Variants in LHPP observed in about 807,000 individuals in gnomAD.
The protein encoded by LHPP is hLHPP.
Under a neutral mutation model 30.3 loss-of-function variants are expected in LHPP, and 24 were observed. The observed-to-expected ratio is 0.79, with a 90% CI of 0.57 to 1.11. The LOEUF (loss-of-function observed/expected upper bound fraction) is 1.11, where lower values mean the gene tolerates loss of function less well. Ranked by LOEUF, LHPP falls within the 50% of genes most tolerant of loss-of-function variation. LHPP has a pLI of 0.00. For synonymous variants in LHPP, 150 were observed against 157.1 expected (o/e 0.95, Z 0.34); for missense variants, 356 against 367.2 (o/e 0.97, Z 0.25).
chr10:124,584,807 T>C (rs1194608963), intron 6 of LHPP, among the ~76,000 whole-genome samples: 1 of 152,224 alleles, frequency 6.6e-6, no homozygotes, highest in East Asian at 1.9e-4. Context: ...ACAAGTATCA[T>C]TAATCCAAAA....
At position 124,596,925 on chromosome 10, in the gene LHPP, G is replaced by A. The variant is rs1464244047; in HGVS notation, c.717-16339G>A. On this transcript the variant is annotated intron_variant, in intron 6 of 6. Transcript: ENST00000368842. This position sits in a 1 kb window ranked among gnomAD's most constrained non-coding sequence, Gnocchi z 4.6. The stretch of plus-strand genomic sequence containing the variant: ...AGACTGACTTTTGAGTCGGTGGACC[G>A]GGTGACGGAGACCCACCCTCCGTGT... Among the ~76,000 whole-genome samples, 3 of 152,208 alleles carry A rather than the reference G, an allele frequency of 2.0e-5. No individual in the cohort carries two copies. Among genetic ancestry groups the A allele is most frequent in the Non-Finnish European group, 4.4e-5 (3 of 68,036 alleles).
intron 6 of LHPP, among the ~76,000 whole-genome samples, chr10:124,521,205 T>C (rs1216779874): frequency 1.3e-5 from 2 of 152,182 alleles, no homozygotes; most frequent in African/African-American, 4.8e-5. Flanking sequence ...GTGCTCCCTA[T>C]GGATGTGTGG....
chr10:124,506,489 C>A (rs902251119), intron 5 of LHPP, among the ~76,000 whole-genome samples: 1 of 151,572 alleles, frequency 6.6e-6, no homozygotes, highest in Admixed American at 6.6e-5. Flanking sequence ...ATTAAGAGAA[C>A]GGTTACGGAG....
At chr10:124,582,532 CT>C (rs1480108006) in intron 6 of LHPP, among the ~76,000 whole-genome samples, 2 of 151,970 alleles carry the variant, frequency 1.3e-5, no homozygotes, top group Non-Finnish European at 2.9e-5. Context: ...AGGGTGCTTG[CT>C]GCCTATGCAG....
chr10:124,479,425 C>T (rs771833766), intron 1 of LHPP, among the ~76,000 whole-genome samples: 11 of 152,218 alleles, frequency 7.2e-5, no homozygotes, highest in Admixed American at 2.6e-4. Flanking sequence ...GCAGGCCCCA[C>T]GGAGGGATGA....
chr10:124,552,110 C>T (rs1260473884), intron 6 of LHPP, among the ~76,000 whole-genome samples: 1 of 152,072 alleles, frequency 6.6e-6, no homozygotes, highest in Non-Finnish European at 1.5e-5. Context: ...GGGCCTGGCA[C>T]TCCAGGCTGC....
At chr10:124,554,216 T>A in intron 6 of LHPP, 1 of 305,836 alleles carries the variant, frequency 3.3e-6, no homozygotes. Context: ...GACAGGGTCT[T>A]GCTCTGTCAC....
Position 124,590,418 on chromosome 10 carries a change from T to G in LHPP, c.717-22846T>G, listed in dbSNP as rs1456229416. On this transcript the variant is annotated intron_variant, in intron 6 of 6. Transcript: ENST00000368842. The surrounding 1 kb of genome is among the most constrained non-coding windows in gnomAD (Gnocchi z 4.3). ...AGCCAAGAAGACTTCTGACCCAGAA[T>G]TCTGAGTTGAGTTCCGACGCAGGCG... Among the ~76,000 whole-genome samples the G allele has an allele frequency of 6.6e-6, 1 of 152,130 alleles. No homozygotes were observed. The highest frequency in any genetic ancestry group is 1.5e-5 in the Non-Finnish European group (1 of 68,018).
At chr10:124,547,600 C>T (rs865903866) in intron 6 of LHPP, among the ~76,000 whole-genome samples, 11 of 152,242 alleles carry the variant, frequency 7.2e-5, no homozygotes, top group African/African-American at 1.4e-4. Context: ...CCTGGAAGCC[C>T]GAGGCCCCTG....
intron 6 of LHPP, among the ~76,000 whole-genome samples, chr10:124,562,036 G>A (rs957490150): frequency 2.0e-5 from 3 of 152,218 alleles, no homozygotes; most frequent in African/African-American, 7.2e-5. Context: ...GCCAGGTACG[G>A]TGGCTCATGC....
At position 124,479,467 on chromosome 10, in the gene LHPP, G is replaced by T. The variant is rs1010240407; in HGVS notation, c.126-4672G>T. 4.6e-5 allele frequency among the ~76,000 whole-genome samples: 7 copies of T among 152,354 alleles called. No homozygotes were observed. In the East Asian group the frequency reaches 9.6e-4, roughly 21 times the overall value. On this transcript the variant is annotated intron_variant, in intron 1 of 6. Coordinates refer to ENST00000368842, the MANE Select transcript of LHPP (RefSeq NM_022126.4). ...TTTGCTTCCTTAGCTGTCCTAGTCG[G>T]CCTGGGCTGCCATAACAAGTGCCAT...
chr10:124,487,598 G>A lies in LHPP; in HGVS notation c.314-824G>A, dbSNP rs111448887. ...GCTGAGATTACAGGCGGCCGCCACC[G>A]TGCCGGGCTGATTGTTGTATTTTTA... On this transcript the variant is annotated intron_variant, in intron 2 of 6. Transcript: ENST00000368842. 3.9e-5 allele frequency among the ~76,000 whole-genome samples: 6 copies of A among 152,016 alleles called. No individual in the cohort carries two copies. The South Asian group carries it at 6.3e-4, about 16-fold the overall frequency.
In LHPP at chr10:124,614,035, G is replaced by A. The variant is rs1949236993; in HGVS notation, c.*675G>A. 6.5e-6 allele frequency: 1 copy of A among 153,088 alleles called. No individual in the cohort carries two copies. Among genetic ancestry groups the A allele is most frequent in the Non-Finnish European group, 1.5e-5 (1 of 68,682 alleles). 9.5% of individuals were successfully genotyped at this position (153,088 alleles called of 1,614,324 possible). A position where few individuals can be genotyped will look rare whatever the true frequency, so the allele number is the denominator to read the frequency against. ...TGAGAACTGTAGCCTCTGCGTCCAAGGCACACAGGGTACTTTCTGGACCCA... is the reference window on the plus strand; with the variant it reads ...TGAGAACTGTAGCCTCTGCGTCCAAAGCACACAGGGTACTTTCTGGACCCA... On this transcript the variant is annotated 3_prime_UTR_variant, in exon 7 of 7. Transcript: ENST00000368842.
In LHPP at chr10:124,498,401, A is replaced by G. The variant is rs1405358111; in HGVS notation, c.624+273A>G. The G allele has an allele frequency of 3.9e-6, 6 of 1,546,920 alleles. No homozygotes were observed. The African/African-American group carries it at 4.1e-5, about 11-fold the overall frequency. On this transcript the variant is annotated intron_variant, in intron 5 of 6. Transcript: ENST00000368842. ...GAGTTTTTGCTGCTTCTCTGAAAGG[A>G]TAAGAATTGACAAGTCCTATCAGTG...
intron 2 of LHPP, among the ~76,000 whole-genome samples, chr10:124,485,178 T>C (rs1458570426): frequency 6.6e-6 from 1 of 152,128 alleles, no homozygotes; most frequent in Non-Finnish European, 1.5e-5. Context: ...GTGACAGGCC[T>C]GGCCTTTAGA....
At position 124,475,395 on chromosome 10, in the gene LHPP, G is replaced by A. The variant is rs543286449; in HGVS notation, c.126-8744G>A. Among the ~76,000 whole-genome samples, 252 of 152,096 alleles carry A rather than the reference G, an allele frequency of 1.7e-3. 1 individual carries two copies. The highest frequency in any genetic ancestry group is 5.9e-3 in the African/African-American group (245 of 41,542). ...TCTCTACTAAAAATACAAAAAATAA[G>A]CTGGGCATAGTGGCGGGTGCCTGTA... On this transcript the variant is annotated intron_variant, in intron 1 of 6. Coordinates refer to ENST00000368842, the MANE Select transcript of LHPP (RefSeq NM_022126.4).
intron 5 of LHPP, among the ~76,000 whole-genome samples, chr10:124,511,564 GCT>G (rs1589815555): frequency 6.6e-6 from 1 of 152,152 alleles, no homozygotes; most frequent in East Asian, 1.9e-4. Flanking sequence ...CCTCCTCCGA[GCT>G]CTCTCTCAGC....
chr10:124,576,782 G>T lies in LHPP; in HGVS notation c.717-36482G>T, dbSNP rs957069806. 6.6e-6 allele frequency among the ~76,000 whole-genome samples: 1 copy of T among 152,046 alleles called. No individual in the cohort carries two copies. The highest frequency in any genetic ancestry group is 2.4e-5 in the African/African-American group (1 of 41,398). ...CTGTAGACGGGGAGACCACATTAGT[G>T]TTTGTGCAAAGCCCTGCCCTCGTGC... is the stretch of plus-strand genomic sequence containing the variant. On this transcript the variant is annotated intron_variant, in intron 6 of 6. Coordinates refer to ENST00000368842, the MANE Select transcript of LHPP (RefSeq NM_022126.4). The surrounding 1 kb of genome is among the most constrained non-coding windows in gnomAD (Gnocchi z 4.2).
chr10:124,494,633 G>A (rs1339688620), intron 3 of LHPP, among the ~76,000 whole-genome samples: 1 of 152,200 alleles, frequency 6.6e-6, no homozygotes, highest in African/African-American at 2.4e-5. Context: ...CTGGTCCTCA[G>A]CAGGGTGCTC....
Sources: allele counts gnomAD v4.1 joint callset (sites outside exome capture counted in the v4.1 genomes callset), GRCh38; gene constraint gnomAD v4.1.1; non-coding constraint Gnocchi (gnomAD v3.1); transcripts MANE v1.5; gene names NCBI Gene and HGNC (gene_info 2026-07-23, HGNC 2026-07-21).